Variants in ARSG observed in about 807,000 individuals in gnomAD.
ARSG encodes the protein arylsulfatase G.
In ARSG, 37 loss-of-function variants were observed where a neutral mutation model predicts 50.5. That is an observed-to-expected ratio of 0.73 (90% CI 0.56 to 0.96). The LOEUF is 0.96. Ranked by LOEUF, ARSG falls within the 50% of genes least tolerant of loss-of-function variation. The pLI is 0.00. For missense variants in ARSG, 629 were observed against 675.3 expected (o/e 0.93, Z 0.76); for synonymous variants, 225 against 254.6 (o/e 0.88, Z 1.11).
intron 3 of ARSG, among the ~76,000 whole-genome samples, chr17:68,345,788 C>T (rs920504107): frequency 6.6e-6 from 1 of 152,074 alleles, no homozygotes; most frequent in South Asian, 2.1e-4. Context: ...TATGATTAAA[C>T]AATACTTTTC....
chr17:68,337,837 G>A (rs1189472715), intron 2 of ARSG, among the ~76,000 whole-genome samples: 1 of 151,958 alleles, frequency 6.6e-6, no homozygotes, highest in Admixed American at 6.6e-5. Flanking sequence ...GGCTGGTCTC[G>A]AACTCCCAAC....
At chr17:68,427,094 A>C (rs1398046211), downstream of ARSG, 8 of 1,522,520 alleles carry the variant, frequency 5.3e-6, no homozygotes, top group Non-Finnish European at 7.3e-6. Context: ...GAGGGAGGTC[A>C]CTGTTGGAGA....
At chr17:68,442,264 G>A in the ARSG span, among the ~76,000 whole-genome samples, 2 of 152,066 alleles carry the variant, frequency 1.3e-5, no homozygotes. Context: ...AGGAGTTCAA[G>A]ACCAGCCTGG....
At chr17:68,292,107 G>A (rs1219506325) in intron 1 of ARSG, among the ~76,000 whole-genome samples, 1 of 152,098 alleles carries the variant, frequency 6.6e-6, no homozygotes, top group East Asian at 1.9e-4. Flanking sequence ...GCGAGCGGCC[G>A]GGCCGCTGCG....
At chr17:68,287,913 CT>C (rs2075876766), upstream of ARSG, among the ~76,000 whole-genome samples, 1 of 151,752 alleles carries the variant, frequency 6.6e-6, no homozygotes. Context: ...ACTCTTCTCC[CT>C]TTTTTCTTTT....
At chr17:68,338,754 T>G (rs982848502) in intron 2 of ARSG, among the ~76,000 whole-genome samples, 1 of 152,222 alleles carries the variant, frequency 6.6e-6, no homozygotes, top group Non-Finnish European at 1.5e-5. Flanking sequence ...ACTTAGCACA[T>G]GTAAAGCGCC....
the ARSG span, among the ~76,000 whole-genome samples, chr17:68,433,763 T>G: frequency 0.3 from 5,306 of 17,602 alleles, 47 homozygotes; most frequent in South Asian, 0.4. Flanking sequence ...GGTCATAGTT[T>G]TTTTTTTTTT....
At chr17:68,294,772 C>T (rs782121782) in intron 1 of ARSG, among the ~76,000 whole-genome samples, 5 of 152,180 alleles carry the variant, frequency 3.3e-5, no homozygotes, top group Non-Finnish European at 4.4e-5. Context: ...CACACTCTGC[C>T]ATCTAGCAAC....
At chr17:68,405,911 G>T (rs1196816791) in intron 11 of ARSG, among the ~76,000 whole-genome samples, 1 of 151,872 alleles carries the variant, frequency 6.6e-6, no homozygotes, top group Non-Finnish European at 1.5e-5. Context: ...TTTTCCATGG[G>T]TTATTGGGAT....
intron 11 of ARSG, among the ~76,000 whole-genome samples, chr17:68,413,288 G>C (rs2082127131): frequency 6.6e-6 from 1 of 151,990 alleles, no homozygotes; most frequent in Non-Finnish European, 1.5e-5. Context: ...GTGATGTACA[G>C]ATGGGTTTTT....
chr17:68,350,800 A>G (rs1441487986), intron 4 of ARSG, among the ~76,000 whole-genome samples: 1 of 151,956 alleles, frequency 6.6e-6, no homozygotes, highest in Non-Finnish European at 1.5e-5. Context: ...ATAAAATAAA[A>G]TAAAATAAAA....
At chr17:68,405,157 G>GTTTTTTTTTTTTT (rs2081653468) in intron 11 of ARSG, among the ~76,000 whole-genome samples, 1 of 91,314 alleles carries the variant, frequency 1.1e-5, no homozygotes. Context: ...TTTTTAGACT[G>GTTTTTTTTTTTTT]TTTTGACTAT....
Position 68,418,089 on chromosome 17 carries a change from C to T in ARSG, c.1304-2100C>T, listed in dbSNP as rs139503833. 4.6e-3 allele frequency among the ~76,000 whole-genome samples: 693 copies of T among 152,140 alleles called. 4 individuals are homozygous for T. The highest frequency in any genetic ancestry group is 0.016 in the African/African-American group (676 of 41,504). On this transcript the variant is annotated intron_variant, in intron 11 of 11. Transcript: ENST00000621439. ...CTTGTTAGAATGAAGTGATGACTGC[C>T]GACCTCCTTATGTGCCAGACTAGAA...
chr17:68,352,180 A>G, intron 5 of ARSG, among the ~76,000 whole-genome samples: 1 of 150,614 alleles, frequency 6.6e-6, no homozygotes, highest in Non-Finnish European at 1.5e-5. Flanking sequence ...AGAGAGAGAG[A>G]GAGACAGAGA....
At chr17:68,336,131 T>G (rs913097867) in intron 2 of ARSG, among the ~76,000 whole-genome samples, 1 of 151,414 alleles carries the variant, frequency 6.6e-6, no homozygotes, top group African/African-American at 2.4e-5. Flanking sequence ...TCTCCTGACC[T>G]CAGGTGATCT....
intron 11 of ARSG, among the ~76,000 whole-genome samples, chr17:68,409,391 T>C (rs1192634179): frequency 1.3e-5 from 2 of 150,218 alleles, no homozygotes; most frequent in Non-Finnish European, 3.0e-5. Context: ...CCTTTCCCCA[T>C]TGCTTGTTTT....
chr17:68,356,263 C>T (rs1250758519), intron 5 of ARSG, among the ~76,000 whole-genome samples: 2 of 152,154 alleles, frequency 1.3e-5, no homozygotes, highest in Admixed American at 6.6e-5. Context: ...CTGAGTTGCA[C>T]GCCATACACA....
chr17:68,275,485 A>G (rs1555750585), intron 1 of ARSG, among the ~76,000 whole-genome samples: 2 of 152,186 alleles, frequency 1.3e-5, no homozygotes, highest in Non-Finnish European at 2.9e-5. Context: ...AACTAGAATA[A>G]TAGCATTTGG....
At chr17:68,325,646 T>A (rs782476321) in intron 2 of ARSG, among the ~76,000 whole-genome samples, 16 of 152,098 alleles carry the variant, frequency 1.1e-4, no homozygotes, top group Non-Finnish European at 1.9e-4. Flanking sequence ...GAGGCACAGG[T>A]GGGGCTCTTG....
Sources: gnomAD v4.1 joint callset for allele counts (sites outside exome capture counted in the v4.1 genomes callset) on GRCh38, gnomAD v4.1.1 for gene constraint, MANE v1.5 for transcripts, NCBI Gene and HGNC (gene_info 2026-07-23, HGNC 2026-07-21) for gene names.